The following WDHD1 variants were observed in gnomAD, a reference collection of about 807,000 sequenced individuals.
WDHD1 encodes the protein WD repeat and HMG-box DNA-binding protein 1.
Under a neutral mutation model 135.4 loss-of-function variants are expected in WDHD1, and 111 were observed. The ratio of observed to expected loss-of-function variants is 0.82; its 90% CI spans 0.70 to 0.96. The LOEUF is 0.96. Among genes scored for constraint, WDHD1 ranks in the 40% least tolerant of loss-of-function variants. WDHD1 has a pLI of 0.00. For synonymous variants in WDHD1, 434 were observed against 439.0 expected (o/e 0.99, Z 0.14); for missense variants, 1,351 against 1,336.3 (o/e 1.01, Z -0.17).
chr14:54,997,235 A>C (rs1055624946), intron 10 of WDHD1, among the ~76,000 whole-genome samples: 1 of 150,896 alleles, frequency 6.6e-6, no homozygotes, highest in African/African-American at 2.4e-5. Context: ...ACCTGGGTTT[A>C]CAGGCCTACA....
chr14:54,974,922 C>T (rs1219358971), intron 16 of WDHD1, among the ~76,000 whole-genome samples: 1 of 152,196 alleles, frequency 6.6e-6, no homozygotes, highest in East Asian at 1.9e-4. Context: ...CTGTGTTGGA[C>T]CGGACTGTCT....
intron 24 of WDHD1, among the ~76,000 whole-genome samples, chr14:54,945,926 AAGG>A (rs2040916718): frequency 6.6e-6 from 1 of 152,212 alleles, no homozygotes; most frequent in Non-Finnish European, 1.5e-5. Context: ...TAAACTTTTT[AAGG>A]TTAAAAAAAT....
chr14:55,011,227 A>G (rs2042162763), intron 3 of WDHD1, among the ~76,000 whole-genome samples: 1 of 152,198 alleles, frequency 6.6e-6, no homozygotes, highest in Admixed American at 6.5e-5. Context: ...ACAGAAAAAA[A>G]TGACAATATG....
intron 16 of WDHD1, among the ~76,000 whole-genome samples, chr14:54,980,802 T>TGA (rs1555368940): frequency 2.4e-5 from 2 of 83,598 alleles, no homozygotes; most frequent in African/African-American, 4.8e-5. Context: ...AGACTCCACA[T>TGA]AAAAAAAAAA....
chr14:55,013,382 G>C (rs764088623), intron 3 of WDHD1, 103 bp downstream of exon 3: 13 of 746,112 alleles, frequency 1.7e-5, no homozygotes, highest in South Asian at 8.0e-5. Flanking sequence ...TATTTCATGA[G>C]ATAAACAAAG....
chr14:54,956,134 A>T (rs2041155699), intron 23 of WDHD1, among the ~76,000 whole-genome samples: 1 of 152,090 alleles, frequency 6.6e-6, no homozygotes. Context: ...TATTTTACCA[A>T]TGACTAATCC....
At chr14:54,957,856 A>G (rs1008733568) in intron 21 of WDHD1, among the ~76,000 whole-genome samples, 3 of 152,214 alleles carry the variant, frequency 2.0e-5, no homozygotes, top group Non-Finnish European at 4.4e-5. Flanking sequence ...AAACATATTC[A>G]GTATGTACAG....
At chr14:54,986,204 A>G (rs1265210745) in intron 14 of WDHD1, among the ~76,000 whole-genome samples, 2 of 152,252 alleles carry the variant, frequency 1.3e-5, no homozygotes, top group South Asian at 4.1e-4. Flanking sequence ...TGCAACTAGC[A>G]TTTTAAAAAA....
intron 24 of WDHD1, 121 bp from the exon 25 acceptor site, chr14:54,944,591 C>A (rs1033974241): frequency 2.3e-5 from 17 of 745,562 alleles, no homozygotes; most frequent in Non-Finnish European, 3.1e-5. Context: ...AAGGAAGACA[C>A]AGTTACACTT....
At chr14:54,986,643 TATG>T (rs2041699327) in intron 14 of WDHD1, among the ~76,000 whole-genome samples, 1 of 152,254 alleles carries the variant, frequency 6.6e-6, no homozygotes, top group African/African-American at 2.4e-5. Context: ...ATATTGAAAG[TATG>T]ATGTCACAGA....
chr14:54,957,000 T>A, intron 23 of WDHD1, 34 bp downstream of exon 23: 3 of 1,597,194 alleles, frequency 1.9e-6, no homozygotes, highest in Non-Finnish European at 2.6e-6. Context: ...GATCCCATGC[T>A]GCTTACTGCA....
At chr14:54,994,512 T>C (rs1044224341) in intron 11 of WDHD1, among the ~76,000 whole-genome samples, 1 of 152,200 alleles carries the variant, frequency 6.6e-6, no homozygotes, top group Non-Finnish European at 1.5e-5. Flanking sequence ...GTACTCAATA[T>C]AAAAAATTTC....
intron 16 of WDHD1, among the ~76,000 whole-genome samples, chr14:54,977,844 A>T (rs1037002184): frequency 1.3e-5 from 2 of 152,096 alleles, no homozygotes; most frequent in Non-Finnish European, 2.9e-5. Flanking sequence ...GTAGTTTTTA[A>T]CAAGTTAAAA....
intron 13 of WDHD1, 87 bp from the exon 14 acceptor site, chr14:54,987,474 A>G: frequency 8.0e-7 from 1 of 1,245,490 alleles, no homozygotes. Flanking sequence ...TATTCAACAA[A>G]AAAACCAAAT....
At position 54,947,774 on chromosome 14, in the gene WDHD1, T is replaced by C. The variant is rs182378917; in HGVS notation, c.3051-3304A>G. ...ACCTGGCAAACTTTTGTATTTTTAA[T>C]AGAGATGGGGTTTCACCATGTTGGC... On this transcript the variant is annotated intron_variant, in intron 24 of 25. Coordinates refer to ENST00000360586, the MANE Select transcript of WDHD1 (RefSeq NM_007086.4). Among the ~76,000 whole-genome samples the C allele has an allele frequency of 5.9e-5, 9 of 151,914 alleles. No individual in the cohort carries two copies. The East Asian group carries it at 1.8e-3, about 30-fold the overall frequency.
At chr14:55,006,439 CAATCCTGTATTTGT>C (rs2042071215) in intron 7 of WDHD1, among the ~76,000 whole-genome samples, 1 of 152,128 alleles carries the variant, frequency 6.6e-6, no homozygotes, top group Non-Finnish European at 1.5e-5. Flanking sequence ...TACAGGATAA[CAATCCTGTATTTGT>C]ATAACAATCC....
At chr14:54,948,457 G>A (rs1201809561) in intron 24 of WDHD1, among the ~76,000 whole-genome samples, 1 of 152,208 alleles carries the variant, frequency 6.6e-6, no homozygotes, top group Non-Finnish European at 1.5e-5. Flanking sequence ...CTCATTGCTA[G>A]CACAGCAGTC....
At chr14:54,942,936 C>T (rs191227145) in intron 25 of WDHD1, among the ~76,000 whole-genome samples, 2 of 152,284 alleles carry the variant, frequency 1.3e-5, no homozygotes, top group East Asian at 3.9e-4. Context: ...TATTTAGACG[C>T]CATTTTATTG....
At chr14:54,965,385 C>T (rs1335654435) in intron 18 of WDHD1, among the ~76,000 whole-genome samples, 2 of 152,192 alleles carry the variant, frequency 1.3e-5, no homozygotes, top group Non-Finnish European at 2.9e-5. Context: ...GGCCACTGGT[C>T]ACAAATAAAT....
Sources: gnomAD v4.1 joint callset for allele counts (sites outside exome capture counted in the v4.1 genomes callset) on GRCh38, gnomAD v4.1.1 for gene constraint, MANE v1.5 for transcripts, NCBI Gene and HGNC (gene_info 2026-07-23, HGNC 2026-07-21) for gene names.